HSD17B7: variants seen among roughly 807,000 people sequenced by gnomAD.
HSD17B7 encodes hydroxysteroid 17-beta dehydrogenase 7.
In HSD17B7, 17 loss-of-function variants were observed where a neutral mutation model predicts 34.1. The observed-to-expected ratio is 0.50, with a 90% CI of 0.34 to 0.75. The LOEUF (loss-of-function observed/expected upper bound fraction) is 0.75, where lower values mean the gene tolerates loss of function less well. Among genes scored for constraint, HSD17B7 ranks in the 30% least tolerant of loss-of-function variants. HSD17B7 has a pLI of 0.01. For synonymous variants in HSD17B7, 122 were observed against 154.6 expected (o/e 0.79, Z 1.56); for missense variants, 296 against 406.6 (o/e 0.73, Z 2.34).
chr1:162,792,773 C>G lies in HSD17B7; in HGVS notation c.150C>G (p.Ala50=). Reference sequence around the variant, plus strand: ...AAGCTGTCTGTGCTGCTCTGCTGGCCTCTCACCCCACTGCTGAGGTCACCA... The same window carrying G: ...AAGCTGTCTGTGCTGCTCTGCTGGCGTCTCACCCCACTGCTGAGGTCACCA... ...KAEAVCAALL[A]SHPTAEVTIV... is the part of the protein sequence containing the mutation. The change falls in exon 2 of 9, where the codon GCC becomes GCG. Residue 50 remains alanine (A), a synonymous_variant. Coordinates refer to ENST00000254521, the MANE Select transcript of HSD17B7 (RefSeq NM_016371.4). 1 of 1,614,214 alleles carries G rather than the reference C, an allele frequency of 6.2e-7. No homozygotes were observed. The highest frequency in any genetic ancestry group is 8.5e-7 in the Non-Finnish European group (1 of 1,180,040).
At chr1:162,794,289 A>G (rs1261365546) in intron 2 of HSD17B7, among the ~76,000 whole-genome samples, 1 of 152,180 alleles carries the variant, frequency 6.6e-6, no homozygotes, top group African/African-American at 2.4e-5. Context: ...GAATAAAAAT[A>G]CTTCACATTT....
chr1:162,808,573 CATG>C, intron 8 of HSD17B7, among the ~76,000 whole-genome samples: 1 of 152,280 alleles, frequency 6.6e-6, no homozygotes, highest in Admixed American at 6.5e-5. Flanking sequence ...TGGCCATTTT[CATG>C]ATATTGATTC....
chr1:162,800,012 G>A (rs1648754044), intron 5 of HSD17B7, 75 bp downstream of exon 5: 1 of 1,249,000 alleles, frequency 8.0e-7, no homozygotes, highest in Non-Finnish European at 1.1e-6. Flanking sequence ...TTCCTAATAA[G>A]GTAGCTGGCT....
intron 2 of HSD17B7, among the ~76,000 whole-genome samples, chr1:162,795,873 A>G (rs1311906703): frequency 7.2e-6 from 1 of 138,418 alleles, no homozygotes; most frequent in Admixed American, 7.2e-5. Context: ...TCTTAGATGA[A>G]GACTTACATA....
chr1:162,805,415 C>A lies in HSD17B7; in HGVS notation c.826C>A (p.Pro276Thr), dbSNP rs372744996. The change falls in exon 8 of 9, where the codon CCT (proline) becomes ACT (threonine). Residue 276 changes from proline (P) to threonine (T), a missense_variant. Coordinates refer to ENST00000254521, the MANE Select transcript of HSD17B7 (RefSeq NM_016371.4). Reference protein sequence around the residue: ...EALVWLFHQKPESLNPLIKYL... With the variant: ...EALVWLFHQKTESLNPLIKYL... ...CCAGGTATGGCTTTTCCACCAAAAG[C>A]CTGAATCTCTCAATCCTCTGATCAA... 7 of 1,612,958 alleles carry A rather than the reference C, an allele frequency of 4.3e-6. No homozygotes were observed. The highest frequency in any genetic ancestry group is 4.5e-5 in the East Asian group (2 of 44,888).
intron 8 of HSD17B7, among the ~76,000 whole-genome samples, chr1:162,808,933 C>G (rs1212164341): frequency 6.6e-6 from 1 of 152,112 alleles, no homozygotes; most frequent in Non-Finnish European, 1.5e-5. Flanking sequence ...ATTTGACTTC[C>G]TTTTTTCCTA....
chr1:162,809,113 A>G (rs1649088840), intron 8 of HSD17B7, among the ~76,000 whole-genome samples: 1 of 152,152 alleles, frequency 6.6e-6, no homozygotes. Context: ...GTTTGTCATA[A>G]ATAGCTCTTA....
At chr1:162,810,343 A>G (rs985815402) in intron 8 of HSD17B7, among the ~76,000 whole-genome samples, 2 of 152,138 alleles carry the variant, frequency 1.3e-5, no homozygotes, top group Admixed American at 6.5e-5. Context: ...GTTCTTCCAC[A>G]TTTGCTGAGG....
chr1:162,800,073 T>G (rs1010858352), intron 5 of HSD17B7, 136 bp downstream of exon 5: 1 of 780,274 alleles, frequency 1.3e-6, no homozygotes, highest in African/African-American at 1.7e-5. Context: ...ATGAAAGTGT[T>G]AGGGCAGAGA....
intron 8 of HSD17B7, among the ~76,000 whole-genome samples, chr1:162,809,926 G>T (rs2102238219): frequency 6.6e-6 from 1 of 151,958 alleles, no homozygotes; most frequent in South Asian, 2.1e-4. Flanking sequence ...TTTTTTGAAG[G>T]GTTTTTTTGT....
At position 162,794,631 on chromosome 1, in the gene HSD17B7, T is replaced by C. The variant is rs559640961; in HGVS notation, c.239+1769T>C. ...AAAACCATGAAGTTGAGAGAAGTTA[T>C]GAGTTTTAAATCATGTTTACAGGCA... is the stretch of plus-strand genomic sequence containing the variant. On this transcript the variant is annotated intron_variant, in intron 2 of 8. Coordinates refer to ENST00000254521, the MANE Select transcript of HSD17B7 (RefSeq NM_016371.4). Among the ~76,000 whole-genome samples the C allele has an allele frequency of 5.8e-3, 876 of 152,236 alleles. 11 individuals carry two copies. Among genetic ancestry groups the C allele is most frequent in the African/African-American group, 0.02 (815 of 41,528 alleles).
At chr1:162,805,584 G>C in intron 8 of HSD17B7, 92 bp downstream of exon 8, 1 of 1,529,858 alleles carries the variant, frequency 6.5e-7, no homozygotes. Flanking sequence ...CCCCAGCTTC[G>C]CTTCTCTGGG....
rs189827555 is a variant in HSD17B7, at chr1:162,796,597, A to G, written c.252A>G (p.Leu84=). The change falls in exon 3 of 9, where the codon TTA becomes TTG. Residue 84 remains leucine, a synonymous_variant. Transcript: ENST00000254521. ...GGTTTACTTGCAGGTTTCAGAGATT[A>G]GACTGTATATATCTAAATGCTGGGA... ...SKELKQRFQR[L]DCIYLNAGIM... The G allele has an allele frequency of 2.1e-5, 34 of 1,606,962 alleles. 1 individual carries two copies. In the Middle Eastern group the frequency reaches 6.6e-4, roughly 31 times the overall value.
chr1:162,795,952 G>C (rs1208294945), intron 2 of HSD17B7, among the ~76,000 whole-genome samples: 2 of 152,060 alleles, frequency 1.3e-5, no homozygotes, highest in Non-Finnish European at 2.9e-5. Context: ...ATTCAGGGGG[G>C]AGCCCAACAA....
At chr1:162,805,840 TC>T (rs1316907212) in intron 8 of HSD17B7, among the ~76,000 whole-genome samples, 1 of 152,184 alleles carries the variant, frequency 6.6e-6, no homozygotes, top group African/African-American at 2.4e-5. Flanking sequence ...ACCTTCGGGT[TC>T]CCCTGTCAGA....
chr1:162,792,723 G>A lies in HSD17B7; in HGVS notation c.100G>A (p.Ala34Thr). ...AEDDELHLCL[A>T]CRNMSKAEAV... ...AGATGATGAGCTTCATCTGTGTTTG[G>A]CGTGCAGGAACATGAGCAAGGCAGA... The change falls in exon 2 of 9, where the codon GCG becomes ACG. Residue 34 changes from alanine (A) to threonine (T), a missense_variant. Physicochemically the swap from Ala to Thr is moderately conservative, Grantham distance 58 (BLOSUM62 0). Coordinates refer to ENST00000254521, the MANE Select transcript of HSD17B7 (RefSeq NM_016371.4). The A allele has an allele frequency of 1.2e-6, 2 of 1,614,166 alleles. No individual in the cohort carries two copies. The highest frequency in any genetic ancestry group is 1.7e-6 in the Non-Finnish European group (2 of 1,180,034).
intron 4 of HSD17B7, chr1:162,798,946 G>T (rs1184538073): frequency 2.6e-5 from 7 of 274,142 alleles, no homozygotes; most frequent in Non-Finnish European, 4.6e-5. Flanking sequence ...GTGAGCCGAG[G>T]TCATGCCATT....
chr1:162,799,317 CT>C (rs1648728881), intron 4 of HSD17B7, among the ~76,000 whole-genome samples: 1 of 152,138 alleles, frequency 6.6e-6, no homozygotes, highest in African/African-American at 2.4e-5. Context: ...TTATGGTTTT[CT>C]CTTTTTGTTT....
chr1:162,811,734 G>A (rs12402864), intron 8 of HSD17B7, among the ~76,000 whole-genome samples: 42,053 of 152,176 alleles, frequency 0.28, 6,283 homozygotes, highest in Non-Finnish European at 0.33. Flanking sequence ...CTTGTGGCTC[G>A]AGAGTGGTAT....
Sources: allele counts gnomAD v4.1 joint callset (sites outside exome capture counted in the v4.1 genomes callset), GRCh38; gene constraint gnomAD v4.1.1; transcripts MANE v1.5; gene names NCBI Gene and HGNC (gene_info 2026-07-23, HGNC 2026-07-21).